Variants in TIPRL observed in about 807,000 individuals in gnomAD.
TIPRL encodes TIP41-like protein.
A neutral mutation model predicts 32.3 loss-of-function variants in TIPRL; 10 were observed. That is an observed-to-expected ratio of 0.31 (90% CI 0.19 to 0.52). The LOEUF (loss-of-function observed/expected upper bound fraction) is 0.52, where lower values mean the gene tolerates loss of function less well. Among genes scored for constraint, TIPRL ranks in the 20% least tolerant of loss-of-function variants. TIPRL has a pLI of 0.96. For missense variants in TIPRL, 250 were observed against 328.1 expected (o/e 0.76, Z 1.84); for synonymous variants, 100 against 114.0 (o/e 0.88, Z 0.78).
At chr1:168,198,449 A>G (rs1700180038) in intron 5 of TIPRL, among the ~76,000 whole-genome samples, 1 of 152,164 alleles carries the variant, frequency 6.6e-6, no homozygotes, top group Non-Finnish European at 1.5e-5. Context: ...TAAGTAAGCT[A>G]TTTGGTAAGA....
chr1:168,182,625 C>CA (rs987055976), intron 1 of TIPRL, among the ~76,000 whole-genome samples: 37 of 145,410 alleles, frequency 2.5e-4, no homozygotes, highest in Admixed American at 4.8e-4. Context: ...GACTCCGTCT[C>CA]AAAAAAAAAA....
At chr1:168,199,751 A>G in intron 6 of TIPRL, 152 bp from the exon 7 acceptor site, 1 of 638,224 alleles carries the variant, frequency 1.6e-6, no homozygotes, top group Non-Finnish European at 2.6e-6. Context: ...ATGATTCCGT[A>G]TCAAGAAATA....
intron 3 of TIPRL, among the ~76,000 whole-genome samples, chr1:168,187,033 G>GA (rs1700035450): frequency 6.6e-6 from 1 of 152,138 alleles, no homozygotes; most frequent in South Asian, 2.1e-4. Flanking sequence ...GTGCTTCCAG[G>GA]AAAAAACTCA....
At position 168,200,226 on chromosome 1, in the gene TIPRL, T is replaced by C; in HGVS notation, c.*180T>C. On this transcript the variant is annotated 3_prime_UTR_variant, in exon 7 of 7. Transcript: ENST00000367833. ...TCACTCAACTGCTGTTTGTACTGTC[T>C]GTCTTCACATTCATATTCCAGATTT... 1.8e-6 allele frequency: 1 copy of C among 558,942 alleles called. No homozygotes were observed. Among genetic ancestry groups the C allele is most frequent in the South Asian group, 2.6e-5 (1 of 38,372 alleles). 34.6% of individuals were successfully genotyped at this position (558,942 alleles called of 1,614,324 possible).
intron 5 of TIPRL, 120 bp downstream of exon 5, chr1:168,196,762 T>TA: frequency 1.8e-6 from 1 of 559,294 alleles, no homozygotes; most frequent in Non-Finnish European, 2.9e-6. Context: ...TTCTAACTGT[T>TA]AAGTCTGAGT....
At chr1:168,180,408 A>T (rs1399344600) in intron 1 of TIPRL, among the ~76,000 whole-genome samples, 1 of 152,178 alleles carries the variant, frequency 6.6e-6, no homozygotes, top group Non-Finnish European at 1.5e-5. Context: ...TAGGTCATAA[A>T]GTGAAGATGT....
intron 5 of TIPRL, among the ~76,000 whole-genome samples, chr1:168,198,713 TATC>T (rs1488039063): frequency 1.3e-5 from 2 of 152,214 alleles, no homozygotes; most frequent in African/African-American, 4.8e-5. Flanking sequence ...TACATATGTG[TATC>T]ATCATTATAA....
intron 3 of TIPRL, among the ~76,000 whole-genome samples, chr1:168,188,712 G>T (rs914077187): frequency 1.3e-5 from 2 of 152,146 alleles, no homozygotes; most frequent in African/African-American, 4.8e-5. Flanking sequence ...GGGCACAGTG[G>T]CTCATACCTG....
chr1:168,182,302 T>G (rs1314301294), intron 1 of TIPRL, among the ~76,000 whole-genome samples: 2 of 152,004 alleles, frequency 1.3e-5, no homozygotes, highest in Non-Finnish European at 2.9e-5. Flanking sequence ...ATACCTGTTT[T>G]TAAGTGGGAA....
intron 3 of TIPRL, among the ~76,000 whole-genome samples, chr1:168,189,451 T>G (rs1700065816): frequency 6.6e-6 from 1 of 152,216 alleles, no homozygotes; most frequent in African/African-American, 2.4e-5. Context: ...GTTCAAGCGA[T>G]TCTCCTGCCT....
chr1:168,189,191 C>T (rs966322235), intron 3 of TIPRL, among the ~76,000 whole-genome samples: 2 of 152,190 alleles, frequency 1.3e-5, no homozygotes, highest in African/African-American at 2.4e-5. Context: ...TTACTTTTCT[C>T]GGCTCCAGTC....
At chr1:168,189,663 C>A (rs1306916493) in intron 3 of TIPRL, among the ~76,000 whole-genome samples, 1 of 152,028 alleles carries the variant, frequency 6.6e-6, no homozygotes, top group Non-Finnish European at 1.5e-5. Flanking sequence ...TTATATTTAG[C>A]TGGTTATTTT....
chr1:168,179,516 G>T (rs1018349343), intron 1 of TIPRL, among the ~76,000 whole-genome samples: 40 of 152,122 alleles, frequency 2.6e-4, no homozygotes, highest in African/African-American at 9.7e-4. Context: ...TTTCTTAGGG[G>T]TTAATGACGG....
intron 3 of TIPRL, among the ~76,000 whole-genome samples, chr1:168,191,071 TA>T (rs1191973795): frequency 6.6e-6 from 1 of 152,210 alleles, no homozygotes; most frequent in African/African-American, 2.4e-5. Flanking sequence ...TTTAGTTGAT[TA>T]ATTTTCTCAT....
At chr1:168,196,798 G>A (rs532875883) in intron 5 of TIPRL, among the ~76,000 whole-genome samples, 156 bp downstream of exon 5, 1 of 152,214 alleles carries the variant, frequency 6.6e-6, no homozygotes, top group South Asian at 2.1e-4. Context: ...TTGACTGCAG[G>A]CTATCATCAA....
chr1:168,199,661 A>C (rs1192985222), intron 6 of TIPRL, among the ~76,000 whole-genome samples: 1 of 152,150 alleles, frequency 6.6e-6, no homozygotes, highest in Admixed American at 6.5e-5. Context: ...AGATGTATTA[A>C]ATTCTTAGGA....
chr1:168,188,593 T>C (rs1014483832), intron 3 of TIPRL, among the ~76,000 whole-genome samples: 8 of 152,158 alleles, frequency 5.3e-5, no homozygotes, highest in Non-Finnish European at 8.8e-5. Context: ...TTGCAGCCCA[T>C]AAAAATAGGT....
intron 3 of TIPRL, among the ~76,000 whole-genome samples, chr1:168,188,826 A>G (rs770181779): frequency 1.3e-5 from 2 of 152,074 alleles, no homozygotes; most frequent in African/African-American, 2.4e-5. Context: ...TAAAAACACA[A>G]AAAAATTAGC....
At position 168,200,956 on chromosome 1, in the gene TIPRL, G is replaced by A. The variant is rs960201656; in HGVS notation, c.*910G>A. The A allele has an allele frequency of 6.6e-6, 1 of 152,118 alleles. No individual in the cohort carries two copies. Among genetic ancestry groups the A allele is most frequent in the African/African-American group, 2.4e-5 (1 of 41,440 alleles). 9.4% of individuals were successfully genotyped at this position (152,118 alleles called of 1,614,324 possible). A position where few individuals can be genotyped will look rare whatever the true frequency, so the allele number is the denominator to read the frequency against. On this transcript the variant is annotated 3_prime_UTR_variant, in exon 7 of 7. Transcript: ENST00000367833. ...TAAAATATTTGGGAAGATAGGTAAG[G>A]AGGAGGGGGTTTTAAAATATAAAAG...
Sources: gnomAD v4.1 joint callset for allele counts (sites outside exome capture counted in the v4.1 genomes callset) on GRCh38, gnomAD v4.1.1 for gene constraint, MANE v1.5 for transcripts, NCBI Gene and HGNC (gene_info 2026-07-23, HGNC 2026-07-21) for gene names.